The following GDE1 variants were observed in gnomAD, a reference collection of about 807,000 sequenced individuals.
GDE1 encodes glycerophosphodiester phosphodiesterase 1, also known as RGS16-interacting membrane protein.
In GDE1, 24 loss-of-function variants were observed where a neutral mutation model predicts 32.2. That is an observed-to-expected ratio of 0.75 (90% CI 0.54 to 1.05). GDE1 has a LOEUF of 1.05. Ranked by LOEUF, GDE1 falls within the 50% of genes least tolerant of loss-of-function variation. The pLI, the probability that GDE1 is intolerant of heterozygous loss-of-function variation, is 0.00. For missense variants in GDE1, 380 were observed against 415.0 expected, an observed-to-expected ratio of 0.92 and a Z score of 0.73; for synonymous variants, 159 against 158.6, an observed-to-expected ratio of 1.00 and a Z score of -0.02.
intron 1 of GDE1, among the ~76,000 whole-genome samples, chr16:19,518,871 G>C (rs148199372): frequency 6.6e-6 from 1 of 151,998 alleles, no homozygotes; most frequent in Non-Finnish European, 1.5e-5. Flanking sequence ...ACAGATGTAC[G>C]ACTATTTTGG....
chr16:19,510,823 A>C lies in GDE1; in HGVS notation c.543+16T>G. ...ATGTCTTTTTAACAAAGTGAAGTCC[A>C]CAATTTAAACTGTACCTTGTGTGCA... On this transcript the variant is annotated intron_variant, in intron 3 of 5. Transcript: ENST00000353258. 1 of 1,267,644 alleles carries C rather than the reference A, an allele frequency of 7.9e-7. No individual in the cohort carries two copies. The highest frequency in any genetic ancestry group is 1.1e-6 in the Non-Finnish European group (1 of 908,030). 78.5% of individuals were successfully genotyped at this position (1,267,644 alleles called of 1,614,324 possible).
At chr16:19,515,152 G>A (rs75118999) in intron 2 of GDE1, among the ~76,000 whole-genome samples, 5 of 151,898 alleles carry the variant, frequency 3.3e-5, no homozygotes, top group Admixed American at 1.3e-4. Context: ...TTCCCTGAGA[G>A]TGAAAGATGG....
chr16:19,516,831 A>C (rs1969386177), intron 2 of GDE1, among the ~76,000 whole-genome samples, 183 bp downstream of exon 2: 1 of 152,224 alleles, frequency 6.6e-6, no homozygotes, highest in South Asian at 2.1e-4. Context: ...TCAGTGGGAA[A>C]GATTAAAAAC....
chr16:19,512,872 T>C (rs1353110761), intron 2 of GDE1, among the ~76,000 whole-genome samples: 2 of 151,990 alleles, frequency 1.3e-5, no homozygotes, highest in African/African-American at 2.4e-5. Flanking sequence ...TGGCTGTAAA[T>C]ATATGGATTT....
Position 19,521,877 on chromosome 16 carries a change from T to C in GDE1, c.88A>G (p.Asn30Asp), listed in dbSNP as rs773829743. Reference protein sequence around the residue: ...VLLLVTRSPVNACLLTGSLFV... With the variant: ...VLLLVTRSPVDACLLTGSLFV... ...AGGCTGCCGGTGAGGAGGCAGGCAT[T>C]GACCGGGCTCCGCGTCACCAGCAGC... The change falls in exon 1 of 6, where the codon AAT becomes GAT. Residue 30 changes from asparagine to aspartate, a missense_variant. Physicochemically the swap from Asn to Asp is conservative, Grantham distance 23 (BLOSUM62 1). Transcript: ENST00000353258. 9 of 1,604,838 alleles carry C rather than the reference T, an allele frequency of 5.6e-6. No homozygotes were observed. Among genetic ancestry groups the C allele is most frequent in the Non-Finnish European group, 7.6e-6 (9 of 1,176,692 alleles).
At position 19,520,925 on chromosome 16, in the gene GDE1, G is replaced by T. The variant is rs1597239285; in HGVS notation, c.261+779C>A. Among the ~76,000 whole-genome samples the T allele has an allele frequency of 2.0e-5, 3 of 152,282 alleles. No individual in the cohort carries two copies. In the East Asian group the frequency reaches 5.8e-4, roughly 29 times the overall value. On this transcript the variant is annotated intron_variant, in intron 1 of 5. Coordinates refer to ENST00000353258, the MANE Select transcript of GDE1 (RefSeq NM_016641.4). ...TTCAGGAGTGCCTTGTGAAAAGGAG[G>T]GGGCAGAAACTGATGTGAGTCCAGC...
intron 1 of GDE1, among the ~76,000 whole-genome samples, chr16:19,518,252 T>TA (rs1175251941): frequency 1.3e-5 from 2 of 152,178 alleles, no homozygotes; most frequent in East Asian, 3.8e-4. Context: ...ACATCTACAG[T>TA]AAAAAAGATT....
Position 19,503,363 on chromosome 16 carries a change from G to T in GDE1, c.*107C>A. The T allele has an allele frequency of 1.0e-6, 1 of 974,926 alleles. No homozygotes were observed. Among genetic ancestry groups the T allele is most frequent in the Non-Finnish European group, 1.5e-6 (1 of 645,524 alleles). The allele number at this position is 974,926 out of a possible 1,614,324, so 60.4% of individuals were successfully genotyped here. On this transcript the variant is annotated 3_prime_UTR_variant, in exon 6 of 6. Coordinates refer to ENST00000353258, the MANE Select transcript of GDE1 (RefSeq NM_016641.4). ...TGCAGTGACCAACTATTGCATTTGT[G>T]TGAGTCACCTGATTCCCCAGGGCCT... is the stretch of plus-strand genomic sequence containing the variant.
intron 1 of GDE1, among the ~76,000 whole-genome samples, chr16:19,519,372 A>G (rs1969420269): frequency 6.6e-6 from 1 of 151,836 alleles, no homozygotes; most frequent in East Asian, 1.9e-4. Context: ...TAGGATGCCT[A>G]ACAAAATACT....
rs147163880 is a variant in GDE1, at chr16:19,503,568, T to G, written c.898A>C (p.Thr300Pro). 6.2e-7 allele frequency: 1 copy of G among 1,613,656 alleles called. No homozygotes were observed. The highest frequency in any genetic ancestry group is 8.5e-7 in the Non-Finnish European group (1 of 1,179,548). ...SAKGIQVVGW[T>P]VNTFDEKSYY... ...CTCTTTTCATCAAAGGTATTAACAG[T>G]CCAACCAACAACCTGGATTCCTTTA... Residue 300 changes from threonine (T) to proline (P), a missense_variant, in exon 6 of 6, where the codon ACT becomes CCT. Transcript: ENST00000353258.
chr16:19,503,690 T>A (rs1969208629), intron 5 of GDE1, 73 bp from the exon 6 acceptor site: 1 of 1,276,894 alleles, frequency 7.8e-7, no homozygotes, highest in South Asian at 1.3e-5. Context: ...GGCCACTAAG[T>A]ATGGTGTTCA....
In GDE1 at chr16:19,510,003, A is replaced by G. The variant is rs559214194; in HGVS notation, c.543+836T>C. Among the ~76,000 whole-genome samples, 16 of 152,264 alleles carry G rather than the reference A, an allele frequency of 1.1e-4. No homozygotes were observed. The South Asian group carries it at 3.3e-3, about 32-fold the overall frequency. On this transcript the variant is annotated intron_variant, in intron 3 of 5. Coordinates refer to ENST00000353258, the MANE Select transcript of GDE1 (RefSeq NM_016641.4). ...ATGATATCATGGGATTAATTAAAAA[A>G]AAAAATTGGCATCATCAGAATTCTC...
At chr16:19,504,456 C>A (rs779222569) in intron 5 of GDE1, 1 of 165,994 alleles carries the variant, frequency 6.0e-6, no homozygotes, top group Admixed American at 5.7e-5. Context: ...ATTCCGAGAT[C>A]GCTAGCAGGT....
intron 1 of GDE1, among the ~76,000 whole-genome samples, chr16:19,520,971 G>A (rs1434641628): frequency 6.6e-6 from 1 of 152,142 alleles, no homozygotes; most frequent in Admixed American, 6.5e-5. Context: ...GTGCGAGTGC[G>A]AATGTGTGTG....
At chr16:19,521,334 C>G (rs758515484) in intron 1 of GDE1, 7 of 211,038 alleles carry the variant, frequency 3.3e-5, no homozygotes, top group Non-Finnish European at 5.7e-5. Flanking sequence ...TTCGAGTTCC[C>G]CCGATTTCTT....
At chr16:19,520,320 T>A (rs1969433658) in intron 1 of GDE1, among the ~76,000 whole-genome samples, 1 of 151,188 alleles carries the variant, frequency 6.6e-6, no homozygotes, top group African/African-American at 2.4e-5. Flanking sequence ...TAGAATCACT[T>A]GAACCTGGGA....
At chr16:19,518,493 G>A (rs1324235220) in intron 1 of GDE1, among the ~76,000 whole-genome samples, 1 of 152,206 alleles carries the variant, frequency 6.6e-6, no homozygotes, top group East Asian at 1.9e-4. Context: ...ACTTGCCCAG[G>A]GCTGCACAAG....
Position 19,503,405 on chromosome 16 carries a change from T to C in GDE1, c.*65A>G. On this transcript the variant is annotated 3_prime_UTR_variant, in exon 6 of 6. Coordinates refer to ENST00000353258, the MANE Select transcript of GDE1 (RefSeq NM_016641.4). ...CCAGGGCCTGGGCTAGCACAAAGGG[T>C]ATTTTGATATCCCTGTATGAGGCCC... 7.1e-7 allele frequency: 1 copy of C among 1,399,652 alleles called. No homozygotes were observed. Among genetic ancestry groups the C allele is most frequent in the Non-Finnish European group, 1.0e-6 (1 of 1,000,724 alleles). 86.7% of individuals were successfully genotyped at this position (1,399,652 alleles called of 1,614,324 possible).
rs755539443 is a variant in GDE1, at chr16:19,505,025, C to G, written c.704G>C (p.Gly235Ala). 5.0e-6 allele frequency: 8 copies of G among 1,613,136 alleles called. No individual in the cohort carries two copies. Among genetic ancestry groups the G allele is most frequent in the Non-Finnish European group, 6.8e-6 (8 of 1,179,198 alleles). ...AGTATCATAGCGTGGTTTCCCATCT[C>G]CTGTATGGCTTAGGCTCCAAGGTCT... ...THRPWSLSHT[G>A]DGKPRYDTFW... is the part of the protein sequence containing the mutation. Residue 235 changes from glycine to alanine, a missense_variant, in exon 5 of 6, where the codon GGA becomes GCA. By Grantham distance (60) the Gly-to-Ala change is moderately conservative (BLOSUM62 0). Transcript: ENST00000353258.
Sources: gnomAD v4.1 joint callset for allele counts (sites outside exome capture counted in the v4.1 genomes callset) on GRCh38, gnomAD v4.1.1 for gene constraint, MANE v1.5 for transcripts, NCBI Gene and HGNC (gene_info 2026-07-23, HGNC 2026-07-21) for gene names.